ILDR1: variants seen among roughly 807,000 people sequenced by gnomAD.
The protein encoded by ILDR1 is immunoglobulin-like domain-containing receptor 1.
A neutral mutation model predicts 62.4 loss-of-function variants in ILDR1; 56 were observed. The observed-to-expected ratio is 0.90, with a 90% confidence interval of 0.72 to 1.12. The LOEUF is 1.12. Among genes scored for constraint, ILDR1 ranks in the 50% most tolerant of loss-of-function variants. The pLI is 0.00. For synonymous variants in ILDR1, 284 were observed against 277.8 expected (o/e 1.02, Z -0.22); for missense variants, 736 against 710.6 (o/e 1.04, Z -0.41).
chr3:122,009,586 T>C (rs1289225584), intron 1 of ILDR1, among the ~76,000 whole-genome samples: 1 of 152,174 alleles, frequency 6.6e-6, no homozygotes, highest in Non-Finnish European at 1.5e-5. Flanking sequence ...AGTATGTGAG[T>C]CTCTTCCTTT....
At chr3:121,988,492 T>C (rs1312038193) in intron 7 of ILDR1, 84 bp from the exon 8 acceptor site, 5 of 1,129,146 alleles carry the variant, frequency 4.4e-6, no homozygotes, top group African/African-American at 1.5e-5. Flanking sequence ...TGCTCTTGAT[T>C]TACAAATCCT....
the ILDR1 span, among the ~76,000 whole-genome samples, chr3:122,050,004 A>G: frequency 1.3e-5 from 2 of 152,242 alleles, no homozygotes; most frequent in Admixed American, 1.3e-4. Context: ...TTTATAAATT[A>G]CCCAGTTTCA....
chr3:122,052,905 T>C, the ILDR1 span, among the ~76,000 whole-genome samples: 1 of 152,324 alleles, frequency 6.6e-6, no homozygotes, highest in Admixed American at 6.5e-5. Context: ...TCTAGTCTTC[T>C]CATTTCTTCT....
At chr3:122,057,341 A>C in the ILDR1 span, among the ~76,000 whole-genome samples, 1 of 152,210 alleles carries the variant, frequency 6.6e-6, no homozygotes, top group African/African-American at 2.4e-5. Flanking sequence ...AAATCTTAGA[A>C]ACAATTTACG....
chr3:122,045,392 G>C, the ILDR1 span, among the ~76,000 whole-genome samples: 22 of 151,958 alleles, frequency 1.4e-4, no homozygotes, highest in African/African-American at 3.1e-4. Context: ...AATGTATATT[G>C]TGTTGATTTG....
chr3:122,058,534 G>A, the ILDR1 span, among the ~76,000 whole-genome samples: 1 of 152,172 alleles, frequency 6.6e-6, no homozygotes, highest in Non-Finnish European at 1.5e-5. Flanking sequence ...GTGGTTTAAA[G>A]TCTCAAGACC....
chr3:122,020,122 G>A (rs1194240928), intron 1 of ILDR1, among the ~76,000 whole-genome samples: 1 of 152,216 alleles, frequency 6.6e-6, no homozygotes, highest in African/African-American at 2.4e-5. Flanking sequence ...AGGAGGAATA[G>A]AGAAACTTGT....
At chr3:122,040,254 T>C in the ILDR1 span, among the ~76,000 whole-genome samples, 1 of 151,880 alleles carries the variant, frequency 6.6e-6, no homozygotes, top group African/African-American at 2.4e-5. Context: ...GTAAAGTCAA[T>C]TTTACATAAA....
At chr3:122,006,021 C>T (rs757626965) in intron 2 of ILDR1, among the ~76,000 whole-genome samples, 1 of 152,202 alleles carries the variant, frequency 6.6e-6, no homozygotes, top group Non-Finnish European at 1.5e-5. Context: ...AGCCTCTCCT[C>T]CCTGGCCACT....
rs2071405681 is a variant in ILDR1 at position 121,994,275 on chromosome 3, G to C, written c.685C>G (p.Leu229Val). The change falls in exon 6 of 8, where the codon CTA becomes GTA. Residue 229 changes from leucine (L) to valine (V), a missense_variant. Coordinates refer to ENST00000344209, the MANE Select transcript of ILDR1 (RefSeq NM_001199799.2). ...RHRYMKQAQA[L>V]GPQMMGKPLY... The stretch of plus-strand genomic sequence containing the variant: ...GGTTTTCCCATCATCTGAGGACCTA[G>C]GGCCTGGGCCTGCTTCATGTAGCGG... The C allele has an allele frequency of 6.5e-7, 1 of 1,535,904 alleles. No individual in the cohort carries two copies. The highest frequency in any genetic ancestry group is 1.4e-5 in the African/African-American group (1 of 73,046).
the ILDR1 span, among the ~76,000 whole-genome samples, chr3:122,047,969 G>C: frequency 6.6e-6 from 1 of 152,200 alleles, no homozygotes; most frequent in Non-Finnish European, 1.5e-5. Flanking sequence ...CAATTGTTTG[G>C]CTAGGGCATC....
chr3:122,050,617 A>T, the ILDR1 span, among the ~76,000 whole-genome samples: 2 of 125,196 alleles, frequency 1.6e-5, no homozygotes, highest in African/African-American at 5.8e-5. Context: ...TATTTTTATA[A>T]TTATAATTAC....
the ILDR1 span, among the ~76,000 whole-genome samples, chr3:122,048,188 A>AT: frequency 4.9e-4 from 75 of 151,958 alleles, no homozygotes; most frequent in Non-Finnish European, 7.8e-4. Context: ...TTTACCAAGT[A>AT]TTTTTTCTGT....
At chr3:122,014,877 C>CT (rs927956924) in intron 1 of ILDR1, among the ~76,000 whole-genome samples, 1 of 152,218 alleles carries the variant, frequency 6.6e-6, no homozygotes, top group Admixed American at 6.5e-5. Flanking sequence ...GGGGCAGATG[C>CT]TTGGGGTTTC....
chr3:122,003,480 GCT>G (rs2071558477), intron 3 of ILDR1, among the ~76,000 whole-genome samples: 1 of 152,146 alleles, frequency 6.6e-6, no homozygotes, highest in Non-Finnish European at 1.5e-5. Context: ...TTGTAAATCT[GCT>G]CTAATTTTTA....
the ILDR1 span, among the ~76,000 whole-genome samples, chr3:122,034,271 A>G: frequency 6.6e-6 from 1 of 152,224 alleles, no homozygotes; most frequent in African/African-American, 2.4e-5. Context: ...ATTGAGTTCT[A>G]GAAATTATAT....
chr3:122,048,307 C>T, the ILDR1 span, among the ~76,000 whole-genome samples: 1 of 152,120 alleles, frequency 6.6e-6, no homozygotes, highest in Non-Finnish European at 1.5e-5. Context: ...GAGTATAATC[C>T]TTTTAATGTA....
At chr3:122,008,621 T>G (rs1052474146) in intron 1 of ILDR1, among the ~76,000 whole-genome samples, 1 of 144,090 alleles carries the variant, frequency 6.9e-6, no homozygotes, top group Admixed American at 7.2e-5. Flanking sequence ...TGAGATAGAG[T>G]CTCGCTCTGT....
chr3:122,056,474 A>G, the ILDR1 span, among the ~76,000 whole-genome samples: 16 of 152,100 alleles, frequency 1.1e-4, no homozygotes, highest in African/African-American at 2.9e-4. Flanking sequence ...AGCTGGGACT[A>G]CAGGCGCCCA....
Sources: gnomAD v4.1 joint callset for allele counts (sites outside exome capture counted in the v4.1 genomes callset) on GRCh38, gnomAD v4.1.1 for gene constraint, MANE v1.5 for transcripts, NCBI Gene and HGNC (gene_info 2026-07-23, HGNC 2026-07-21) for gene names.